MOK: variants seen among roughly 807,000 people sequenced by gnomAD.
The protein encoded by MOK is MOK protein kinase, also known as MAPK/MAK/MRK overlapping kinase.
MOK carries 59 observed loss-of-function variants against 54.2 expected under a neutral mutation model. That is an observed-to-expected ratio of 1.09 (90% CI 0.88 to 1.35). The LOEUF is 1.35. Among genes scored for constraint, MOK ranks in the 40% most tolerant of loss-of-function variants. The pLI is 0.00. For synonymous variants in MOK, 210 were observed against 202.7 expected (o/e 1.04, Z -0.31); for missense variants, 517 against 526.2 (o/e 0.98, Z 0.17).
rs1193176001 is a variant in MOK at position 102,238,897 on chromosome 14, G to A, written c.591-5108C>T. ...ATTCCCCATCTATTCCTACACACCA[G>A]CTAAGAGGAACACTCCCAGGGGAAG... On this transcript the variant is annotated intron_variant, in intron 7 of 11. Transcript: ENST00000361847. The surrounding 1 kb of genome is among the most constrained non-coding windows in gnomAD (Gnocchi z 4.8). Among the ~76,000 whole-genome samples the A allele has an allele frequency of 6.6e-6, 1 of 152,026 alleles. No individual in the cohort carries two copies. Among genetic ancestry groups the A allele is most frequent in the Non-Finnish European group, 1.5e-5 (1 of 68,012 alleles).
chr14:102,216,802 C>T, the MOK span, among the ~76,000 whole-genome samples: 11 of 152,046 alleles, frequency 7.2e-5, no homozygotes, highest in Non-Finnish European at 1.5e-4. Flanking sequence ...TGGTGGCGGG[C>T]GCCTGTAGTC....
Position 102,294,217 on chromosome 14 carries a change from C to T in MOK, c.8-10625G>A, listed in dbSNP as rs548811823. ...ATCCCAGCACTTTGGGAGGCCAAGG[C>T]GGGCGGATCACGAGGTCAGGAGATC... On this transcript the variant is annotated intron_variant, in intron 1 of 11. Coordinates refer to ENST00000361847, the MANE Select transcript of MOK (RefSeq NM_014226.3). 3.5e-3 allele frequency among the ~76,000 whole-genome samples: 531 copies of T among 150,590 alleles called. 3 individuals are homozygous for T. Among genetic ancestry groups the T allele is most frequent in the Middle Eastern group, 6.8e-3 (2 of 294 alleles).
intron 7 of MOK, among the ~76,000 whole-genome samples, chr14:102,247,146 G>A (rs948901731): frequency 1.3e-5 from 2 of 152,016 alleles, no homozygotes; most frequent in African/African-American, 4.8e-5. Flanking sequence ...GGATCTTAGT[G>A]GACACAAAAT....
chr14:102,222,933 T>C (rs1057186335), downstream of MOK: 2 of 1,607,496 alleles, frequency 1.2e-6, no homozygotes, highest in African/African-American at 1.3e-5. This position sits in a 1 kb window ranked among gnomAD's most constrained non-coding sequence, Gnocchi z 4.4. Flanking sequence ...CTCGAGGGAG[T>C]GACGAGGAGG....
intron 7 of MOK, 57 bp from the exon 8 acceptor site, chr14:102,233,846 C>T (rs1413609057): frequency 3.8e-6 from 5 of 1,321,940 alleles, no homozygotes; most frequent in South Asian, 1.2e-5. Flanking sequence ...ACAGACCTCA[C>T]CAATTACAAA....
chr14:102,248,175 A>C (rs1254132255), intron 7 of MOK, among the ~76,000 whole-genome samples: 3 of 152,132 alleles, frequency 2.0e-5, no homozygotes, highest in Admixed American at 6.5e-5. Context: ...AAACTGCCCC[A>C]AAAAAGCTTC....
chr14:102,222,223 G>A (rs1567109996), downstream of MOK, among the ~76,000 whole-genome samples: 2 of 152,170 alleles, frequency 1.3e-5, no homozygotes, highest in African/African-American at 2.4e-5. This position sits in a 1 kb window ranked among gnomAD's most constrained non-coding sequence, Gnocchi z 4.4. Flanking sequence ...CTCACGGCAA[G>A]ACTACTTTGT....
intron 4 of MOK, among the ~76,000 whole-genome samples, chr14:102,261,695 G>A (rs1218481369): frequency 4.6e-5 from 7 of 150,940 alleles, no homozygotes; most frequent in African/African-American, 9.7e-5. Context: ...CACCACGCCC[G>A]GCTAATTTGT....
intron 1 of MOK, among the ~76,000 whole-genome samples, chr14:102,292,302 T>C (rs2070845395): frequency 6.6e-6 from 1 of 151,804 alleles, no homozygotes; most frequent in Non-Finnish European, 1.5e-5. Flanking sequence ...TGAAACCCCA[T>C]CTCTACTAAA....
chr14:102,250,506 C>T lies in MOK; in HGVS notation c.590+306G>A, dbSNP rs193071376. On this transcript the variant is annotated intron_variant, in intron 7 of 11. Coordinates refer to ENST00000361847, the MANE Select transcript of MOK (RefSeq NM_014226.3). ...ACCTCTCAGGGGAGGTTTGGCTCAC[C>T]CCTCCCCACAGCAGCCCCATCAAGC... is the stretch of plus-strand genomic sequence containing the variant. Among the ~76,000 whole-genome samples the T allele has an allele frequency of 1.4e-4, 21 of 152,126 alleles. No homozygotes were observed. In the East Asian group the frequency reaches 4.1e-3, roughly 29 times the overall value.
Position 102,263,598 on chromosome 14 carries a change from A to G in MOK, c.231T>C (p.Ser77=), listed in dbSNP as rs2067655648. The change falls in exon 4 of 12, where the codon TCT becomes TCC. Residue 77 remains serine, a synonymous_variant. Transcript: ENST00000361847. ...HEVVFDRKSG[S]LALICELMDM... is the part of the protein sequence containing the mutation. ...CCATAAGTTCACATATTAGTGCAAG[A>G]GAACCAGATTTTCTGTCACTGAAGA... 1 of 1,605,998 alleles carries G rather than the reference A, an allele frequency of 6.2e-7. No individual in the cohort carries two copies. Among genetic ancestry groups the G allele is most frequent in the South Asian group, 1.1e-5 (1 of 88,710 alleles).
chr14:102,236,500 C>G lies in MOK; in HGVS notation c.591-2711G>C, dbSNP rs750364941. On this transcript the variant is annotated intron_variant, in intron 7 of 11. Coordinates refer to ENST00000361847, the MANE Select transcript of MOK (RefSeq NM_014226.3). This position sits in a 1 kb window ranked among gnomAD's most constrained non-coding sequence, Gnocchi z 4.5. ...TTATCATGCCTCGTTGCCCTACCCC[C>G]ATCCTAGGCCAAATTCAAAGCCAAA... Among the ~76,000 whole-genome samples, 9 of 152,206 alleles carry G rather than the reference C, an allele frequency of 5.9e-5. No individual in the cohort carries two copies. The highest frequency in any genetic ancestry group is 1.2e-4 in the Non-Finnish European group (8 of 68,038).
At chr14:102,300,910 A>T (rs1359073987) in intron 1 of MOK, among the ~76,000 whole-genome samples, 1 of 152,160 alleles carries the variant, frequency 6.6e-6, no homozygotes, top group Admixed American at 6.6e-5. Flanking sequence ...CAGCCTGAAC[A>T]ACATGGTGAA....
chr14:102,252,281 C>G lies in MOK; in HGVS notation c.284-286G>C, dbSNP rs111356689. On this transcript the variant is annotated intron_variant, in intron 4 of 11. Transcript: ENST00000361847. ...ACCAGCCTGGCCAAAATGGTGAAAC[C>G]CCATATCTACTAAAAATACAAAAAT... 6.5e-3 allele frequency among the ~76,000 whole-genome samples: 981 copies of G among 151,948 alleles called. 14 individuals carry two copies. The highest frequency in any genetic ancestry group is 0.021 in the African/African-American group (877 of 41,428).
At position 102,229,605 on chromosome 14, in the gene MOK, T is replaced by C. The variant is rs779242360; in HGVS notation, c.1034A>G (p.Tyr345Cys). Residue 345 changes from tyrosine (Y) to cysteine (C), a missense_variant, in exon 11 of 12, where the codon TAT becomes TGT. Transcript: ENST00000361847. ...CTTTAGTTTGGGCAGTTCCATGACA[T>C]AGGCCGGTCCTCGTCTCTTGGGACG... is the stretch of plus-strand genomic sequence containing the variant. ...EDRPKRRGPA[Y>C]VMELPKLKLS... The C allele has an allele frequency of 3.7e-6, 6 of 1,614,198 alleles. No individual in the cohort carries two copies. The Admixed American group carries it at 6.7e-5, about 18-fold the overall frequency.
chr14:102,222,311 G>C (rs1180144073), downstream of MOK, among the ~76,000 whole-genome samples: 2 of 152,224 alleles, frequency 1.3e-5, no homozygotes, highest in Non-Finnish European at 2.9e-5. The surrounding 1 kb of genome is among the most constrained non-coding windows in gnomAD (Gnocchi z 4.4). Flanking sequence ...GCTACAGCCA[G>C]GGGGTGCCAC....
intron 7 of MOK, among the ~76,000 whole-genome samples, chr14:102,243,845 T>G (rs2065896790): frequency 6.6e-6 from 1 of 152,112 alleles, no homozygotes; most frequent in Non-Finnish European, 1.5e-5. Flanking sequence ...TAATCACCGC[T>G]TACCAGCAAA....
At chr14:102,214,997 A>T in the MOK span, 10 of 984,206 alleles carry the variant, frequency 1.0e-5, no homozygotes, top group Admixed American at 5.5e-4. Flanking sequence ...TGTGTGAGTG[A>T]ACTGTAAATG....
At chr14:102,258,079 T>C (rs895453220) in intron 4 of MOK, among the ~76,000 whole-genome samples, 2 of 152,202 alleles carry the variant, frequency 1.3e-5, no homozygotes, top group African/African-American at 2.4e-5. Flanking sequence ...ATTTTTACTA[T>C]ATTTTACAAA....
Sources: gnomAD v4.1 joint callset for allele counts (sites outside exome capture counted in the v4.1 genomes callset) on GRCh38, gnomAD v4.1.1 for gene constraint, Gnocchi (gnomAD v3.1) non-coding constraint, MANE v1.5 for transcripts, NCBI Gene and HGNC (gene_info 2026-07-23, HGNC 2026-07-21) for gene names.